KHDRBS1: variants seen among roughly 807,000 people sequenced by gnomAD.
KHDRBS1 encodes the protein KH domain-containing, RNA-binding, signal transduction-associated protein 1.
Under a neutral mutation model 48.4 loss-of-function variants are expected in KHDRBS1, and 7 were observed. The observed-to-expected ratio is 0.14, with a 90% CI of 0.08 to 0.27. KHDRBS1 has a LOEUF of 0.27. Ranked by LOEUF, KHDRBS1 falls within the 10% of genes least tolerant of loss-of-function variation. KHDRBS1 has a pLI of 1.00. For synonymous variants in KHDRBS1, 241 were observed against 235.8 expected (o/e 1.02, Z -0.20); for missense variants, 458 against 601.2 (o/e 0.76, Z 2.49).
At chr1:32,027,102 A>G (rs879623336) in intron 1 of KHDRBS1, among the ~76,000 whole-genome samples, 1 of 150,842 alleles carries the variant, frequency 6.6e-6, no homozygotes, top group Non-Finnish European at 1.5e-5. Flanking sequence ...GTCTATGTAT[A>G]TATTTTTTTA....
rs548251745 is a variant in KHDRBS1, at chr1:32,041,746, C to T, written c.1235-781C>T. On this transcript the variant is annotated intron_variant, in intron 8 of 8. Transcript: ENST00000327300. ...CTGGGATTACAGGCATGCGCCACCA[C>T]GCCTGGCTAATTTTTGTATTTTTAG... 2.0e-5 allele frequency among the ~76,000 whole-genome samples: 3 copies of T among 152,150 alleles called. No homozygotes were observed. The South Asian group carries it at 6.2e-4, about 32-fold the overall frequency.
downstream of KHDRBS1, among the ~76,000 whole-genome samples, chr1:32,046,219 G>C (rs1300364008): frequency 6.8e-6 from 1 of 146,724 alleles, no homozygotes; most frequent in Non-Finnish European, 1.5e-5. Context: ...GTTTTCTTTT[G>C]TTTTGTTTTT....
intron 10 of KHDRBS1, among the ~76,000 whole-genome samples, chr1:32,054,222 T>G: frequency 6.6e-6 from 1 of 152,150 alleles, no homozygotes; most frequent in East Asian, 1.9e-4. Flanking sequence ...ATTTAATGCC[T>G]TAAGCATGAG....
intron 3 of KHDRBS1, among the ~76,000 whole-genome samples, chr1:32,032,932 C>A (rs1639108105): frequency 6.6e-6 from 1 of 152,234 alleles, no homozygotes; most frequent in Admixed American, 6.5e-5. Context: ...TTGTGATCCT[C>A]CCGCGTCAGT....
At chr1:32,022,757 C>T (rs1374440775) in intron 1 of KHDRBS1, among the ~76,000 whole-genome samples, 1 of 152,020 alleles carries the variant, frequency 6.6e-6, no homozygotes, top group African/African-American at 2.4e-5. Flanking sequence ...GGTGTGGTGG[C>T]ATGCGCCTAT....
rs779126582 is a variant in KHDRBS1, at chr1:32,033,254, A to G, written c.691A>G (p.Ile231Val). The G allele has an allele frequency of 7.4e-6, 12 of 1,614,182 alleles. No homozygotes were observed. Among genetic ancestry groups the G allele is most frequent in the Non-Finnish European group, 8.5e-6 (10 of 1,180,032 alleles). The change falls in exon 4 of 9, where the codon ATT (isoleucine) becomes GTT (valine). Residue 231 changes from isoleucine to valine, a missense_variant. By Grantham distance (29) the Ile-to-Val change is conservative. Transcript: ENST00000327300. ...CTTGAATATGGATCTGCATGTCTTC[A>G]TTGAAGTCTTTGGACCCCCATGTGA... is the stretch of plus-strand genomic sequence containing the variant. ...AHLNMDLHVF[I>V]EVFGPPCEAY...
intron 1 of KHDRBS1, among the ~76,000 whole-genome samples, chr1:32,015,833 G>A (rs1432173023): frequency 6.6e-6 from 1 of 152,194 alleles, no homozygotes; most frequent in African/African-American, 2.4e-5. Flanking sequence ...ACAACCCATT[G>A]TGCGGAAGTG....
chr1:32,024,148 A>G (rs1370249631), intron 1 of KHDRBS1, among the ~76,000 whole-genome samples: 1 of 151,960 alleles, frequency 6.6e-6, no homozygotes. Flanking sequence ...GCTACTCAGG[A>G]GGCTGAGGTA....
intron 10 of KHDRBS1, among the ~76,000 whole-genome samples, chr1:32,058,842 CAT>C (rs1354137033): frequency 6.6e-6 from 1 of 151,996 alleles, no homozygotes; most frequent in East Asian, 1.9e-4. Flanking sequence ...ATATTGCAAA[CAT>C]AGAGAAGTCA....
At chr1:32,049,424 CTTTT>C (rs200632932) in intron 10 of KHDRBS1, among the ~76,000 whole-genome samples, 210 of 140,970 alleles carry the variant, frequency 1.5e-3, no homozygotes, top group African/African-American at 5.3e-3. Context: ...CTACTTTGTT[CTTTT>C]TTTTTTTTTT....
chr1:32,053,076 C>G (rs1454680751), intron 10 of KHDRBS1, among the ~76,000 whole-genome samples: 3 of 152,062 alleles, frequency 2.0e-5, no homozygotes, highest in African/African-American at 4.8e-5. Flanking sequence ...TCTCTTGAGC[C>G]CAGGAGGTCA....
At chr1:32,045,631 C>CTGA (rs1262582065), downstream of KHDRBS1, among the ~76,000 whole-genome samples, 3 of 152,148 alleles carry the variant, frequency 2.0e-5, no homozygotes, top group Non-Finnish European at 4.4e-5. Flanking sequence ...TGTTAATAAC[C>CTGA]TGATGAGGTG....
At chr1:32,052,553 A>G in intron 10 of KHDRBS1, 2 of 152,082 alleles carry the variant, frequency 1.3e-5, no homozygotes, top group African/African-American at 2.4e-5. Flanking sequence ...GCCCGCCACC[A>G]CACCCAACTA....
At chr1:32,045,539 T>C (rs1336002976), downstream of KHDRBS1, 1 of 152,554 alleles carries the variant, frequency 6.6e-6, no homozygotes, top group African/African-American at 2.4e-5. Context: ...CACACTTACA[T>C]GTCCATACTG....
chr1:32,047,402 G>T (rs769718464), downstream of KHDRBS1, among the ~76,000 whole-genome samples: 1 of 152,028 alleles, frequency 6.6e-6, no homozygotes, highest in Non-Finnish European at 1.5e-5. Flanking sequence ...CAAGTGATCC[G>T]CCCACCTCAG....
chr1:32,055,317 G>A (rs768781003), intron 10 of KHDRBS1, among the ~76,000 whole-genome samples: 2 of 152,054 alleles, frequency 1.3e-5, no homozygotes, highest in African/African-American at 2.4e-5. Context: ...ACGTGGTGGC[G>A]CGCATCTGTA....
intron 1 of KHDRBS1, among the ~76,000 whole-genome samples, chr1:32,022,253 C>T (rs1412300231): frequency 6.6e-6 from 1 of 152,132 alleles, no homozygotes; most frequent in Non-Finnish European, 1.5e-5. Flanking sequence ...CCACCTTGGC[C>T]TCCCAAAGTG....
chr1:32,027,491 T>A (rs546188172), intron 1 of KHDRBS1, among the ~76,000 whole-genome samples: 1 of 152,220 alleles, frequency 6.6e-6, no homozygotes, highest in Non-Finnish European at 1.5e-5. Context: ...GACTGTTGAA[T>A]GAAGCATTAC....
intron 1 of KHDRBS1, among the ~76,000 whole-genome samples, chr1:32,019,529 C>CA (rs199995230): frequency 0.012 from 1,800 of 144,880 alleles, 37 homozygotes; most frequent in African/African-American, 0.036. Context: ...AACTCAATCT[C>CA]AAAAAAAAAC....
Sources: allele counts gnomAD v4.1 joint callset (sites outside exome capture counted in the v4.1 genomes callset), GRCh38; gene constraint gnomAD v4.1.1; transcripts MANE v1.5; gene names NCBI Gene and HGNC (gene_info 2026-07-23, HGNC 2026-07-21).